Variants in BOD1L1 observed in about 807,000 individuals in gnomAD.
BOD1L1 encodes biorientation of chromosomes in cell division protein 1-like 1.
In BOD1L1, 86 loss-of-function variants were observed where a neutral mutation model predicts 240.7. The ratio of observed to expected loss-of-function variants is 0.36; its 90% CI spans 0.30 to 0.43. The LOEUF (loss-of-function observed/expected upper bound fraction) is 0.43, where lower values mean the gene tolerates loss of function less well. BOD1L1 is among the 20% of genes least tolerant of loss of function. The pLI is 1.00. For missense variants in BOD1L1, 3,554 were observed against 3,643.5 expected, an observed-to-expected ratio of 0.98 and a Z score of 0.63; for synonymous variants, 1,268 against 1,272.3, an observed-to-expected ratio of 1.00 and a Z score of 0.07.
At chr4:13,577,868 G>GT (rs1712895833) in intron 22 of BOD1L1, 1 of 330,412 alleles carries the variant, frequency 3.0e-6, no homozygotes. Flanking sequence ...CTGACCCTCA[G>GT]TTTTTTCAGC....
intron 16 of BOD1L1, among the ~76,000 whole-genome samples, chr4:13,586,689 C>G (rs1713723081): frequency 6.6e-6 from 1 of 152,094 alleles, no homozygotes; most frequent in South Asian, 2.1e-4. Flanking sequence ...TACAAAAATC[C>G]CCATATGTTC....
intron 13 of BOD1L1, 66 bp downstream of exon 13, chr4:13,591,857 C>A: frequency 7.8e-7 from 1 of 1,281,212 alleles, no homozygotes; most frequent in Non-Finnish European, 1.1e-6. Flanking sequence ...TCCTCAATAG[C>A]TCTCCAAAAA....
At chr4:13,571,152 A>G (rs764854360) in intron 25 of BOD1L1, among the ~76,000 whole-genome samples, 8 of 152,180 alleles carry the variant, frequency 5.3e-5, no homozygotes, top group African/African-American at 7.2e-5. Context: ...TCTTATACAC[A>G]TATATCTCCC....
chr4:13,584,412 G>A (rs959172534), intron 17 of BOD1L1, among the ~76,000 whole-genome samples: 7 of 150,212 alleles, frequency 4.7e-5, no homozygotes, highest in African/African-American at 1.2e-4. Context: ...GCATGTGTGC[G>A]TGTGTGGCGG....
In BOD1L1 at chr4:13,600,201, A is replaced by T. The variant is rs762780057; in HGVS notation, c.6699T>A (p.Gly2233=). 12 of 1,613,778 alleles carry T rather than the reference A, an allele frequency of 7.4e-6. No individual in the cohort carries two copies. Among genetic ancestry groups the T allele is most frequent in the East Asian group, 6.7e-5 (3 of 44,866 alleles). The change falls in exon 10 of 26, where the codon GGT becomes GGA. Residue 2233 remains glycine (G), a synonymous_variant. Transcript: ENST00000040738. ...IAEECEASVS[G]VVVESENERA... ...GCTCATTTTCACTTTCAACAACTACACCGGAAACAGAAGCCTCACATTCTT... is the reference window on the plus strand; with the variant it reads ...GCTCATTTTCACTTTCAACAACTACTCCGGAAACAGAAGCCTCACATTCTT...
intron 6 of BOD1L1, 84 bp downstream of exon 6, chr4:13,610,850 T>G: frequency 1.7e-6 from 2 of 1,170,148 alleles, no homozygotes; most frequent in Non-Finnish European, 2.4e-6. Context: ...CTGCTTCATA[T>G]GCACATCAGT....
At position 13,569,980 on chromosome 4, in the gene BOD1L1, C is replaced by T. The variant is rs1712058863; in HGVS notation, c.*31G>A. The T allele has an allele frequency of 6.8e-7, 1 of 1,479,888 alleles. No homozygotes were observed. Among genetic ancestry groups the T allele is most frequent in the Non-Finnish European group, 9.0e-7 (1 of 1,106,280 alleles). The allele number at this position is 1,479,888 out of a possible 1,614,324, so 91.7% of individuals were successfully genotyped here. A position where few individuals can be genotyped will look rare whatever the true frequency, so the allele number is the denominator to read the frequency against. ...TGTCTCTTTCCTCTCCACCGTGTTCCTCCATAAGCCTAGGGCAGCAGTGGT... is the reference window on the plus strand; with the variant it reads ...TGTCTCTTTCCTCTCCACCGTGTTCTTCCATAAGCCTAGGGCAGCAGTGGT... On this transcript the variant is annotated 3_prime_UTR_variant, in exon 26 of 26. Coordinates refer to ENST00000040738, the MANE Select transcript of BOD1L1 (RefSeq NM_148894.3).
chr4:13,584,260 C>T (rs2108899124), intron 17 of BOD1L1, among the ~76,000 whole-genome samples: 1 of 152,176 alleles, frequency 6.6e-6, no homozygotes, highest in East Asian at 1.9e-4. Flanking sequence ...AACCTATTTG[C>T]TCTGTTATCA....
rs1714974182 is a variant in BOD1L1, at chr4:13,599,993, C to T, written c.6907G>A (p.Ala2303Thr). 1 of 1,610,162 alleles carries T rather than the reference C, an allele frequency of 6.2e-7. No individual in the cohort carries two copies. Among genetic ancestry groups the T allele is most frequent in the African/African-American group, 1.3e-5 (1 of 74,884 alleles). Residue 2303 changes from alanine to threonine, a missense_variant, in exon 10 of 26, where the codon GCA becomes ACA. Ala to Thr is a moderately conservative substitution (Grantham distance 58). Around this residue, in one of 2 missense-constraint regions of BOD1L1, gnomAD observed 3,393 missense variants for 3,427.1 expected, o/e 0.99. Transcript: ENST00000040738. The stretch of plus-strand genomic sequence containing the variant: ...TGGAGGACAGCACCAATCATGACTG[C>T]TTCACACCCTTCAGAGGTGCTTGTG... ...ISTSTSEGCE[A>T]VMIGAVLQDE...
chr4:13,617,405 G>C (rs1316598912), intron 2 of BOD1L1, among the ~76,000 whole-genome samples: 1 of 152,030 alleles, frequency 6.6e-6, no homozygotes, highest in Non-Finnish European at 1.5e-5. Context: ...TTCTCACACA[G>C]AGGTCAGCTC....
chr4:13,577,652 C>G lies in BOD1L1; in HGVS notation c.8750-21G>C. Reference sequence around the variant, plus strand: ...TTCATCTTTAAGAAAAGGGAAATCTCTGCATTAATATTTTATTACTGTAAA... The same window carrying G: ...TTCATCTTTAAGAAAAGGGAAATCTGTGCATTAATATTTTATTACTGTAAA... On this transcript the variant is annotated intron_variant, in intron 22 of 25. Coordinates refer to ENST00000040738, the MANE Select transcript of BOD1L1 (RefSeq NM_148894.3). 3 of 1,514,942 alleles carry G rather than the reference C, an allele frequency of 2.0e-6. 1 individual carries two copies. The highest frequency in any genetic ancestry group is 2.7e-6 in the Non-Finnish European group (3 of 1,115,786). 93.8% of individuals were successfully genotyped at this position (1,514,942 alleles called of 1,614,324 possible).
intron 13 of BOD1L1, 144 bp downstream of exon 13, chr4:13,591,775 AAATG>A: frequency 1.8e-6 from 1 of 546,632 alleles, no homozygotes; most frequent in Non-Finnish European, 3.2e-6. Flanking sequence ...TGCTGAACTC[AAATG>A]AAGAGTACAC....
chr4:13,615,454 C>G lies in BOD1L1; in HGVS notation c.417G>C (p.Val139=). 1 of 1,612,902 alleles carries G rather than the reference C, an allele frequency of 6.2e-7. No homozygotes were observed. The highest frequency in any genetic ancestry group is 8.5e-7 in the Non-Finnish European group (1 of 1,179,304). The change falls in exon 3 of 26, where the codon GTG becomes GTC. Residue 139 remains valine (V), a synonymous_variant. Transcript: ENST00000040738. ...SGIDRIISQV[V]DPKINHTFRP... ...TGAATGTGTGGTTGATCTTTGGGTCCACAACCTGAGAAATAATTCGGTCAA... is the reference window on the plus strand; with the variant it reads ...TGAATGTGTGGTTGATCTTTGGGTCGACAACCTGAGAAATAATTCGGTCAA...
In BOD1L1 at chr4:13,615,365, C is replaced by T; in HGVS notation, c.506G>A (p.Ser169Asn). Residue 169 changes from serine to asparagine, a missense_variant, in exon 3 of 26, where the codon AGT becomes AAT. This residue lies in a region of BOD1L1 where 3,393 missense variants were observed against 3,427.1 expected (regional missense o/e 0.99). Transcript: ENST00000040738. ...CTCATCATCGGGAGCTGTGTTGCCA[C>T]TTCCTTCCTCTTTGTGATTTAGCGT... Reference protein sequence around the residue: ...LATLNHKEEGSGNTAPDDEKP... With the variant: ...LATLNHKEEGNGNTAPDDEKP... 6.2e-7 allele frequency: 1 copy of T among 1,613,586 alleles called. No homozygotes were observed. The highest frequency in any genetic ancestry group is 8.5e-7 in the Non-Finnish European group (1 of 1,179,670).
rs1156236736 is a variant in BOD1L1 at position 13,615,365 on chromosome 4, C to A, written c.506G>T (p.Ser169Ile). ...CTCATCATCGGGAGCTGTGTTGCCA[C>A]TTCCTTCCTCTTTGTGATTTAGCGT... ...LATLNHKEEG[S>I]GNTAPDDEKP... Residue 169 changes from serine to isoleucine, a missense_variant, in exon 3 of 26, where the codon AGT (serine) becomes ATT (isoleucine). This residue lies in a region of BOD1L1 where 3,393 missense variants were observed against 3,427.1 expected (regional missense o/e 0.99). Coordinates refer to ENST00000040738, the MANE Select transcript of BOD1L1 (RefSeq NM_148894.3). The A allele has an allele frequency of 2.5e-6, 4 of 1,613,586 alleles. No individual in the cohort carries two copies. The highest frequency in any genetic ancestry group is 2.5e-6 in the Non-Finnish European group (3 of 1,179,670).
chr4:13,604,100 T>C lies in BOD1L1; in HGVS notation c.2800A>G (p.Lys934Glu). 6.2e-7 allele frequency: 1 copy of C among 1,613,768 alleles called. No homozygotes were observed. Among genetic ancestry groups the C allele is most frequent in the Non-Finnish European group, 8.5e-7 (1 of 1,179,864 alleles). The change falls in exon 10 of 26, where the codon AAA becomes GAA. Residue 934 changes from lysine to glutamate, a missense_variant. Physicochemically the swap from Lys to Glu is moderately conservative, Grantham distance 56 (BLOSUM62 1). Transcript: ENST00000040738. ...TCTGGTTTTGGAGTGGTTGCCTGTT[T>C]TGTGGCACCTTCTTGTAATTCTGTT... ...VETELQEGAT[K>E]QATTPKPDKE...
At chr4:13,621,057 T>C (rs1717000898) in intron 1 of BOD1L1, among the ~76,000 whole-genome samples, 1 of 152,174 alleles carries the variant, frequency 6.6e-6, no homozygotes, top group African/African-American at 2.4e-5. Flanking sequence ...AGCAAAGAAC[T>C]ATCCAGCCCC....
intron 16 of BOD1L1, among the ~76,000 whole-genome samples, chr4:13,587,277 C>G (rs1348040709): frequency 3.9e-5 from 6 of 152,222 alleles, no homozygotes; most frequent in Admixed American, 2.6e-4. Context: ...ACTTCTATCA[C>G]TGTAGTTCTA....
In BOD1L1 at chr4:13,596,029, C is replaced by A. The variant is rs1401729649; in HGVS notation, c.8020-85G>T. ...CTCAAGTGAATTAAACAAAAAAAAA[C>A]CCAGCATCCTGAAACAATATAAAAG... On this transcript the variant is annotated intron_variant, in intron 11 of 25. Coordinates refer to ENST00000040738, the MANE Select transcript of BOD1L1 (RefSeq NM_148894.3). The A allele has an allele frequency of 5.6e-6, 6 of 1,067,604 alleles. No homozygotes were observed. The African/African-American group carries it at 6.5e-5, about 12-fold the overall frequency. The allele number at this position is 1,067,604 out of a possible 1,614,324, so 66.1% of individuals were successfully genotyped here. A position where few individuals can be genotyped will look rare whatever the true frequency, so the allele number is the denominator to read the frequency against.
Sources: gnomAD v4.1 joint callset for allele counts (sites outside exome capture counted in the v4.1 genomes callset) on GRCh38, gnomAD v4.1.1 for gene constraint, gnomAD v4.1.1 regional missense constraint, MANE v1.5 for transcripts, NCBI Gene and HGNC (gene_info 2026-07-23, HGNC 2026-07-21) for gene names.